Variants in RADIL observed in about 807,000 individuals in gnomAD.
RADIL encodes ras-associating and dilute domain-containing protein.
Under a neutral mutation model 97.6 loss-of-function variants are expected in RADIL, and 99 were observed. The ratio of observed to expected loss-of-function variants is 1.01; its 90% CI spans 0.86 to 1.20. RADIL has a LOEUF of 1.20. Among genes scored for constraint, RADIL ranks in the 50% most tolerant of loss-of-function variants. The probability of loss-of-function intolerance (pLI) is 0.00; values close to 1 mark genes in which losing one functional copy is unlikely to be tolerated. For synonymous variants in RADIL, 803 were observed against 691.8 expected, an observed-to-expected ratio of 1.16 and a Z score of -2.52; for missense variants, 1,765 against 1,498.9, an observed-to-expected ratio of 1.18 and a Z score of -2.93.
At chr7:4,803,455 C>T (rs1214801086) in intron 11 of RADIL, 91 bp downstream of exon 11, 3 of 1,152,088 alleles carry the variant, frequency 2.6e-6, no homozygotes, top group Non-Finnish European at 3.5e-6. Context: ...GGCTGGGTGG[C>T]CCCCTCCCCG....
chr7:4,814,622 C>G lies in RADIL; in HGVS notation c.2139+656G>C, dbSNP rs1434947007. ...GAGGGGCATGTCGGTTTCCCATTGC[C>G]GTTGTGACAAATGCCCACACGCCTG... On this transcript the variant is annotated intron_variant, in intron 9 of 14. Transcript: ENST00000399583. The surrounding 1 kb of genome is among the most constrained non-coding windows in gnomAD (Gnocchi z 4.5). Among the ~76,000 whole-genome samples, 1 of 152,140 alleles carries G rather than the reference C, an allele frequency of 6.6e-6. No homozygotes were observed. Among genetic ancestry groups the G allele is most frequent in the African/African-American group, 2.4e-5 (1 of 41,422 alleles).
chr7:4,819,778 C>G lies in RADIL; in HGVS notation c.1616-2427G>C, dbSNP rs573963454. 1.3e-5 allele frequency among the ~76,000 whole-genome samples: 2 copies of G among 152,326 alleles called. No individual in the cohort carries two copies. Among genetic ancestry groups the G allele is most frequent in the Admixed American group, 1.3e-4 (2 of 15,298 alleles). ...CTCCGGCCCCTTCTAGGGGCTATTT[C>G]CCACTCTGTTCCCTGGTGCCTGCCT... is the stretch of plus-strand genomic sequence containing the variant. On this transcript the variant is annotated intron_variant, in intron 6 of 14. Transcript: ENST00000399583. This position sits in a 1 kb window ranked among gnomAD's most constrained non-coding sequence, Gnocchi z 5.8.
In RADIL at chr7:4,821,045, G is replaced by T. The variant is rs1782817584; in HGVS notation, c.1615+1349C>A. ...AGCCACAGCCCCCTCCCAGGGATGGGGACACAGCTGAGTACACAGAGACCC... is the reference window on the plus strand; with the variant it reads ...AGCCACAGCCCCCTCCCAGGGATGGTGACACAGCTGAGTACACAGAGACCC... On this transcript the variant is annotated intron_variant, in intron 6 of 14. Coordinates refer to ENST00000399583, the MANE Select transcript of RADIL (RefSeq NM_018059.5). The surrounding 1 kb of genome is among the most constrained non-coding windows in gnomAD (Gnocchi z 5.2). 6.6e-6 allele frequency among the ~76,000 whole-genome samples: 1 copy of T among 152,184 alleles called. No individual in the cohort carries two copies. Among genetic ancestry groups the T allele is most frequent in the Admixed American group, 6.5e-5 (1 of 15,284 alleles).
intron 1 of RADIL, among the ~76,000 whole-genome samples, chr7:4,882,853 G>A (rs539025969): frequency 6.6e-6 from 1 of 152,292 alleles, no homozygotes; most frequent in East Asian, 1.9e-4. Context: ...CGCGGGACAC[G>A]AGCAATCAGA....
At chr7:4,847,985 C>G (rs1335302833) in intron 2 of RADIL, among the ~76,000 whole-genome samples, 1 of 152,122 alleles carries the variant, frequency 6.6e-6, no homozygotes, top group Non-Finnish European at 1.5e-5. Context: ...CGCTTGAGCT[C>G]AGGAGTTCGA....
chr7:4,823,815 C>T (rs910005050), intron 5 of RADIL, among the ~76,000 whole-genome samples: 2 of 152,208 alleles, frequency 1.3e-5, no homozygotes, highest in Admixed American at 6.5e-5. Flanking sequence ...GAGGGGTGGA[C>T]GTGGCAAGGC....
Position 4,878,189 on chromosome 7 carries a change from T to C in RADIL, c.-50A>G. ...GACTGTGGGCTTCAGCCAAAGGATG[T>C]GGGGAGGCCGTGACCTGGGTGAAAA... On this transcript the variant is annotated 5_prime_UTR_variant, in exon 2 of 15. Coordinates refer to ENST00000399583, the MANE Select transcript of RADIL (RefSeq NM_018059.5). This position sits in a 1 kb window ranked among gnomAD's most constrained non-coding sequence, Gnocchi z 4.1. The C allele has an allele frequency of 1.4e-6, 2 of 1,468,516 alleles. No individual in the cohort carries two copies. The highest frequency in any genetic ancestry group is 1.8e-6 in the Non-Finnish European group (2 of 1,110,076). 91.0% of individuals were successfully genotyped at this position (1,468,516 alleles called of 1,614,324 possible).
chr7:4,825,420 C>T (rs1782946214), intron 5 of RADIL, among the ~76,000 whole-genome samples: 1 of 152,290 alleles, frequency 6.6e-6, no homozygotes, highest in Non-Finnish European at 1.5e-5. Context: ...ATGCCTGTCG[C>T]GTCCATCAGG....
Position 4,865,579 on chromosome 7 carries a change from C to T in RADIL, c.535+12026G>A, listed in dbSNP as rs111390091. The T allele has an allele frequency of 4.5e-3, 3,558 of 794,720 alleles. 10 individuals are homozygous for T. The highest frequency in any genetic ancestry group is 6.5e-3 in the Non-Finnish European group (2,824 of 432,958). The allele number at this position is 794,720 out of a possible 1,614,324, so 49.2% of individuals were successfully genotyped here. ...TCAAATACCTTTTTGAGAAAGGGAC[C>T]TCGGATGTCACAGTGATCTTGCTCT... On this transcript the variant is annotated intron_variant, in intron 2 of 14. Coordinates refer to ENST00000399583, the MANE Select transcript of RADIL (RefSeq NM_018059.5).
chr7:4,868,303 C>G (rs1033447628), intron 2 of RADIL, among the ~76,000 whole-genome samples: 6 of 152,206 alleles, frequency 3.9e-5, no homozygotes, highest in Admixed American at 3.9e-4. Context: ...ACCTCGTGAT[C>G]CGCCCGCCTC....
chr7:4,837,666 C>T lies in RADIL; in HGVS notation c.536-1061G>A, dbSNP rs900127998. 1.3e-5 allele frequency among the ~76,000 whole-genome samples: 2 copies of T among 152,186 alleles called. No homozygotes were observed. Among genetic ancestry groups the T allele is most frequent in the African/African-American group, 4.8e-5 (2 of 41,466 alleles). The stretch of plus-strand genomic sequence containing the variant: ...GCACACACATACACACACGCCAACA[C>T]ACATGCACCCACACACATTAACACA... On this transcript the variant is annotated intron_variant, in intron 2 of 14. Transcript: ENST00000399583. This position sits in a 1 kb window ranked among gnomAD's most constrained non-coding sequence, Gnocchi z 5.6.
At position 4,877,840 on chromosome 7, in the gene RADIL, G is replaced by A. The variant is rs756996157; in HGVS notation, c.300C>T (p.Tyr100=). ...RELVKEALER[Y]ALDPRQAGQY... ...GGCCGGCCTGCCTGGGGTCCAGGGCGTACCGCTCCAGCGCCTCCTTCACCA... is the reference window on the plus strand; with the variant it reads ...GGCCGGCCTGCCTGGGGTCCAGGGCATACCGCTCCAGCGCCTCCTTCACCA... Residue 100 remains tyrosine, a synonymous_variant, in exon 2 of 15, where the codon TAC becomes TAT. Transcript: ENST00000399583. 2.4e-5 allele frequency: 38 copies of A among 1,607,008 alleles called. No homozygotes were observed. The highest frequency in any genetic ancestry group is 4.4e-5 in the South Asian group (4 of 91,068).
chr7:4,809,325 C>A lies in RADIL; in HGVS notation c.2140-3609G>T, dbSNP rs1001086267. On this transcript the variant is annotated intron_variant, in intron 9 of 14. Transcript: ENST00000399583. ...CCTCGGCTCGGCCTAGTTTCCCTAG[C>A]CAGGAGAAGTCCTGTTTTCAACGTT... 8.1e-6 allele frequency: 8 copies of A among 985,192 alleles called. No individual in the cohort carries two copies. In the African/African-American group the frequency reaches 1.2e-4, roughly 15 times the overall value. 61.0% of individuals were successfully genotyped at this position (985,192 alleles called of 1,614,324 possible).
intron 5 of RADIL, among the ~76,000 whole-genome samples, chr7:4,823,516 C>G (rs1212905152): frequency 6.6e-6 from 1 of 152,096 alleles, no homozygotes; most frequent in Non-Finnish European, 1.5e-5. Context: ...GTAACAAAAG[C>G]AGAAGTAGCT....
At chr7:4,876,195 C>T (rs754982462) in intron 2 of RADIL, among the ~76,000 whole-genome samples, 10 of 151,942 alleles carry the variant, frequency 6.6e-5, no homozygotes, top group Non-Finnish European at 1.2e-4. Context: ...CACTATGTTA[C>T]CCAGGCTGCT....
rs1456317424 is a variant in RADIL at position 4,873,498 on chromosome 7, C to A, written c.535+4107G>T. ...ACCAGGGATCAGGGACAGCCCCACG[C>A]TGGGTCCTCTTGGGAGAGAATGCAG... On this transcript the variant is annotated intron_variant, in intron 2 of 14. Coordinates refer to ENST00000399583, the MANE Select transcript of RADIL (RefSeq NM_018059.5). This position sits in a 1 kb window ranked among gnomAD's most constrained non-coding sequence, Gnocchi z 4.3. Among the ~76,000 whole-genome samples the A allele has an allele frequency of 2.0e-5, 3 of 152,230 alleles. No homozygotes were observed. The South Asian group carries it at 6.2e-4, about 31-fold the overall frequency.
chr7:4,827,609 C>G (rs770921633), intron 5 of RADIL, among the ~76,000 whole-genome samples: 5 of 152,054 alleles, frequency 3.3e-5, no homozygotes, highest in East Asian at 3.9e-4. Flanking sequence ...TGCAGTGAGC[C>G]GAGATCGTGC....
intron 5 of RADIL, among the ~76,000 whole-genome samples, chr7:4,825,010 T>C (rs1782934669): frequency 6.6e-6 from 1 of 151,482 alleles, no homozygotes; most frequent in African/African-American, 2.4e-5. Flanking sequence ...GCCATGTGAG[T>C]GGGGGCCCAG....
intron 5 of RADIL, among the ~76,000 whole-genome samples, chr7:4,828,534 G>A (rs1783057612): frequency 6.6e-6 from 1 of 152,218 alleles, no homozygotes; most frequent in African/African-American, 2.4e-5. Flanking sequence ...CACAGATGCA[G>A]AAAATGATTT....
Sources: gnomAD v4.1 joint callset for allele counts (sites outside exome capture counted in the v4.1 genomes callset) on GRCh38, gnomAD v4.1.1 for gene constraint, Gnocchi (gnomAD v3.1) non-coding constraint, MANE v1.5 for transcripts, NCBI Gene and HGNC (gene_info 2026-07-23, HGNC 2026-07-21) for gene names.